The following CADPS2 variants were observed in gnomAD, a reference collection of about 807,000 sequenced individuals.
CADPS2 encodes the protein calcium dependent secretion activator 2, also known as calcium-dependent secretion activator 2.
In CADPS2, 93 loss-of-function variants were observed where a neutral mutation model predicts 172.5. The ratio of observed to expected loss-of-function variants is 0.54; its 90% CI spans 0.46 to 0.64. The LOEUF is 0.64. CADPS2 is among the 30% of genes least tolerant of loss of function. The pLI, the probability that CADPS2 is intolerant of heterozygous loss-of-function variation, is 0.00. For missense variants in CADPS2, 1,420 were observed against 1,565.9 expected (o/e 0.91, Z 1.57); for synonymous variants, 546 against 555.2 (o/e 0.98, Z 0.23).
At chr7:122,640,930 T>A (rs1235716290) in intron 3 of CADPS2, among the ~76,000 whole-genome samples, 1 of 57,354 alleles carries the variant, frequency 1.7e-5, no homozygotes, top group East Asian at 3.5e-4. Flanking sequence ...CAAGACTCTA[T>A]CTCAAAAAAA....
chr7:122,724,451 T>C (rs1289846916), intron 2 of CADPS2, among the ~76,000 whole-genome samples: 1 of 152,046 alleles, frequency 6.6e-6, no homozygotes. Context: ...GTACACATGA[T>C]AATATAAATT....
At position 122,829,875 on chromosome 7, in the gene CADPS2, G is replaced by A. The variant is rs545250833; in HGVS notation, c.339+56124C>T. On this transcript the variant is annotated intron_variant, in intron 1 of 29. Transcript: ENST00000449022. ...CAATCAAATAATTTATTTAAGCCAA[G>A]CTAATTCAAAATAGCAAATGGGCAG... 2.0e-5 allele frequency among the ~76,000 whole-genome samples: 3 copies of A among 152,226 alleles called. No individual in the cohort carries two copies. The South Asian group carries it at 6.2e-4, about 32-fold the overall frequency.
intron 3 of CADPS2, among the ~76,000 whole-genome samples, chr7:122,650,016 C>T (rs1209239588): frequency 1.4e-5 from 2 of 138,410 alleles, no homozygotes; most frequent in Non-Finnish European, 3.0e-5. Context: ...TTCAGCAATT[C>T]TCCTGCCTCA....
intron 6 of CADPS2, among the ~76,000 whole-genome samples, chr7:122,604,012 T>C (rs1404759309): frequency 2.6e-5 from 4 of 152,164 alleles, no homozygotes; most frequent in Non-Finnish European, 4.4e-5. Flanking sequence ...ATAATCATTA[T>C]ACAATATATA....
chr7:122,520,024 TAA>T (rs1224667395), intron 8 of CADPS2, among the ~76,000 whole-genome samples: 2 of 152,030 alleles, frequency 1.3e-5, no homozygotes, highest in South Asian at 4.1e-4. Context: ...ACATGATTCT[TAA>T]AAGAGTCAAC....
intron 3 of CADPS2, among the ~76,000 whole-genome samples, chr7:122,645,641 GATACATATATCTCTAAGAT>G (rs1473590493): frequency 1.1e-5 from 1 of 88,766 alleles, no homozygotes; most frequent in East Asian, 3.1e-4. Context: ...TCTACTCTAA[GATACATATATCTCTAAGAT>G]ATATATATAT....
chr7:122,421,365 T>C (rs1353972280), intron 17 of CADPS2, among the ~76,000 whole-genome samples: 1 of 152,148 alleles, frequency 6.6e-6, no homozygotes, highest in African/African-American at 2.4e-5. Flanking sequence ...AGCTAAACAA[T>C]AAATAGTGTT....
intron 27 of CADPS2, among the ~76,000 whole-genome samples, chr7:122,352,295 A>G (rs1415096365): frequency 6.6e-6 from 1 of 152,242 alleles, no homozygotes; most frequent in Non-Finnish European, 1.5e-5. Flanking sequence ...AGTTGTGTCA[A>G]TTAGAAAATA....
At chr7:122,466,109 A>T (rs778681837) in intron 14 of CADPS2, among the ~76,000 whole-genome samples, 3 of 152,212 alleles carry the variant, frequency 2.0e-5, no homozygotes, top group Non-Finnish European at 2.9e-5. Flanking sequence ...TATGAAGTTT[A>T]AGAAAAGCTA....
chr7:122,642,207 G>C (rs754002087), intron 3 of CADPS2, among the ~76,000 whole-genome samples: 20 of 151,130 alleles, frequency 1.3e-4, no homozygotes, highest in Admixed American at 5.3e-4. Context: ...TTGAACCCAG[G>C]AGGCAGAGGT....
intron 1 of CADPS2, among the ~76,000 whole-genome samples, chr7:122,740,562 G>A (rs776217474): frequency 1.3e-5 from 2 of 151,848 alleles, no homozygotes; most frequent in African/African-American, 4.8e-5. Context: ...CATGTGTGGG[G>A]GCAGGATATA....
chr7:122,658,969 G>A (rs530553625), intron 3 of CADPS2, among the ~76,000 whole-genome samples: 1 of 151,718 alleles, frequency 6.6e-6, no homozygotes, highest in Non-Finnish European at 1.5e-5. Context: ...TAAACATTAA[G>A]CACAGCTCAA....
intron 12 of CADPS2, among the ~76,000 whole-genome samples, chr7:122,477,042 GGAGAGAGAGAA>G (rs2056740849): frequency 8.6e-5 from 2 of 23,386 alleles, no homozygotes; most frequent in African/African-American, 1.9e-4. Context: ...GGAGAGGAGA[GGAGAGAGAGAA>G]GAGAGAGAGA....
At chr7:122,791,339 C>T (rs1403688272) in intron 1 of CADPS2, among the ~76,000 whole-genome samples, 4 of 152,102 alleles carry the variant, frequency 2.6e-5, no homozygotes, top group Admixed American at 2.6e-4. Flanking sequence ...GATACACACA[C>T]ACACTTCTTA....
At chr7:122,839,477 T>G (rs182257075) in intron 1 of CADPS2, among the ~76,000 whole-genome samples, 1 of 152,096 alleles carries the variant, frequency 6.6e-6, no homozygotes, top group African/African-American at 2.4e-5. Context: ...GAAACTACCA[T>G]CAGAGTGAAC....
intron 1 of CADPS2, among the ~76,000 whole-genome samples, chr7:122,879,585 A>G (rs759357994): frequency 1.1e-4 from 17 of 152,136 alleles, no homozygotes; most frequent in Non-Finnish European, 1.9e-4. Flanking sequence ...AGAAATGGGG[A>G]AAAGGACACT....
At chr7:122,591,003 C>T (rs181494535) in intron 6 of CADPS2, among the ~76,000 whole-genome samples, 70 of 152,006 alleles carry the variant, frequency 4.6e-4, no homozygotes, top group African/African-American at 1.5e-3. Flanking sequence ...TTATCACCAT[C>T]ATTGTTGTTG....
intron 1 of CADPS2, among the ~76,000 whole-genome samples, chr7:122,795,304 C>T (rs1271827148): frequency 6.6e-6 from 1 of 152,080 alleles, no homozygotes; most frequent in Non-Finnish European, 1.5e-5. Flanking sequence ...GAAATACAAA[C>T]AACCATCAGA....
At chr7:122,443,036 A>G (rs2051584139) in intron 15 of CADPS2, among the ~76,000 whole-genome samples, 1 of 152,196 alleles carries the variant, frequency 6.6e-6, no homozygotes, top group South Asian at 2.1e-4. Flanking sequence ...GGGTTCTTGT[A>G]GTCCCCTCCC....
Sources: allele counts gnomAD v4.1 joint callset (sites outside exome capture counted in the v4.1 genomes callset), GRCh38; gene constraint gnomAD v4.1.1; transcripts MANE v1.5; gene names NCBI Gene and HGNC (gene_info 2026-07-23, HGNC 2026-07-21).